Variants in NAP1L1 observed in about 807,000 individuals in gnomAD.
The protein encoded by NAP1L1 is nucleosome assembly protein 1 like 1, also known as nucleosome assembly protein 1-like 1.
NAP1L1 carries 9 observed loss-of-function variants against 58.9 expected under a neutral mutation model. The ratio of observed to expected loss-of-function variants is 0.15; its 90% confidence interval spans 0.09 to 0.27. The LOEUF (loss-of-function observed/expected upper bound fraction) is 0.27. Ranked by LOEUF, NAP1L1 falls within the 10% of genes least tolerant of loss-of-function variation. The probability of loss-of-function intolerance (pLI) is 1.00; values close to 1 mark genes in which losing one functional copy is unlikely to be tolerated. For synonymous variants in NAP1L1, 130 were observed against 138.3 expected (o/e 0.94, Z 0.42); for missense variants, 302 against 458.8 (o/e 0.66, Z 3.12).
rs914062017 is a variant in NAP1L1 at position 76,053,865 on chromosome 12, T to C, written c.675A>G (p.Thr225=). The C allele has an allele frequency of 1.9e-6, 3 of 1,590,362 alleles. No homozygotes were observed. The Admixed American group carries it at 5.8e-5, about 31-fold the overall frequency. The change falls in exon 9 of 15, where the codon ACA becomes ACG. Residue 225 remains threonine, a synonymous_variant. Transcript: ENST00000618691. ...TGTATGTCTTTGTCAGCACTTCATT[T>C]GTAAAATATTCATTGGGTTCAAAGT... ...EFHFEPNEYF[T]NEVLTKTYRM...
chr12:76,058,102 T>C (rs1389952256), intron 6 of NAP1L1: 6 of 746,284 alleles, frequency 8.0e-6, no homozygotes, highest in Non-Finnish European at 1.5e-5. Context: ...GATGACAGCA[T>C]CGAAGATCTT....
intron 12 of NAP1L1, 48 bp from the exon 13 acceptor site, chr12:76,049,833 T>C: frequency 6.3e-7 from 1 of 1,596,656 alleles, no homozygotes; most frequent in Non-Finnish European, 8.6e-7. Flanking sequence ...TAACACACAT[T>C]TCAGAGTAGC....
intron 4 of NAP1L1, among the ~76,000 whole-genome samples, chr12:76,065,128 C>T (rs1949602699): frequency 1.3e-5 from 2 of 151,874 alleles, no homozygotes; most frequent in South Asian, 4.1e-4. Flanking sequence ...ATTCAATTTA[C>T]TACAGGAATG....
At chr12:76,048,772 T>C (rs535603008) in intron 14 of NAP1L1, among the ~76,000 whole-genome samples, 38 of 152,210 alleles carry the variant, frequency 2.5e-4, no homozygotes, top group Non-Finnish European at 4.3e-4. Context: ...CTAATCCTAA[T>C]ATAACAAATT....
In NAP1L1 at chr12:76,040,460, T is replaced by C. The variant is rs1948541533; in HGVS notation, c.*7969A>G. ...AGCTATTCATGAAGGCAGTGAGGAT[T>C]GAGACTGTTATAATCCAGTTCCACC... On this transcript the variant is annotated 3_prime_UTR_variant, in exon 15 of 15. Coordinates refer to ENST00000618691, the MANE Select transcript of NAP1L1 (RefSeq NM_004537.7). The C allele has an allele frequency of 6.6e-6, 1 of 152,174 alleles. No individual in the cohort carries two copies. Among genetic ancestry groups the C allele is most frequent in the African/African-American group, 2.4e-5 (1 of 41,406 alleles). 9.4% of individuals were successfully genotyped at this position (152,174 alleles called of 1,614,324 possible).
rs747880037 is a variant in NAP1L1, at chr12:76,048,448, G to C, written c.1157C>G (p.Ala386Gly). 6.2e-7 allele frequency: 1 copy of C among 1,613,658 alleles called. No individual in the cohort carries two copies. The highest frequency in any genetic ancestry group is 1.7e-5 in the Admixed American group (1 of 60,018). ...CCTGCTTCACTGCTGCTTGCACTCTGCTGGGTTTTGATCCTTCTGTTAAAG... is the reference window on the plus strand; with the variant it reads ...CCTGCTTCACTGCTGCTTGCACTCTCCTGGGTTTTGATCCTTCTGTTAAAG... ...DYDPKKDQNP[A>G]ECKQQ The change falls in exon 15 of 15, where the codon GCA becomes GGA. Residue 386 changes from alanine to glycine, a missense_variant. Ala to Gly is a moderately conservative substitution (Grantham distance 60). Coordinates refer to ENST00000618691, the MANE Select transcript of NAP1L1 (RefSeq NM_004537.7).
Position 76,055,036 on chromosome 12 carries a change from C to G in NAP1L1, c.613G>C (p.Asp205His), listed in dbSNP as rs765375395. ...TCTTTTACCATAGGCTGGCCAGCAT[C>G]TGAGAACTTCACTTTAATATCTTTC... ...HLKDIKVKFS[D>H]AGQPMSFVLE... The change falls in exon 8 of 15, where the codon GAT becomes CAT. Residue 205 changes from aspartate to histidine, a missense_variant. Physicochemically the swap from Asp to His is moderately conservative, Grantham distance 81. Transcript: ENST00000618691. The G allele has an allele frequency of 2.5e-6, 4 of 1,606,842 alleles. No individual in the cohort carries two copies. The Admixed American group carries it at 6.7e-5, about 27-fold the overall frequency.
rs932660654 is a variant in NAP1L1 at position 76,037,964 on chromosome 12, TTATTGAG to T, written c.*10458_*10464del. On this transcript the variant is annotated 3_prime_UTR_variant, in exon 15 of 15. Transcript: ENST00000618691. ...ATTCAAAATGGGCAAGCAGGCTATC[TTATTGAG>T]TATTAACAAGTAACCAGGAAGTCTG... The T allele has an allele frequency of 6.6e-6, 1 of 152,212 alleles. No homozygotes were observed. The highest frequency in any genetic ancestry group is 2.4e-5 in the African/African-American group (1 of 41,444). The allele number at this position is 152,212 out of a possible 1,614,324, so 9.4% of individuals were successfully genotyped here. A position where few individuals can be genotyped will look rare whatever the true frequency, so the allele number is the denominator to read the frequency against.
intron 4 of NAP1L1, among the ~76,000 whole-genome samples, chr12:76,065,944 C>T (rs1406256164): frequency 6.7e-6 from 1 of 150,134 alleles, no homozygotes; most frequent in Non-Finnish European, 1.5e-5. Context: ...ACCAATAAAA[C>T]ATAAGAGTGC....
chr12:76,074,281 T>C (rs1950093273), intron 1 of NAP1L1, 42 bp from the exon 2 acceptor site: 2 of 1,520,526 alleles, frequency 1.3e-6, no homozygotes, highest in African/African-American at 2.9e-5. Context: ...AGTATATGAT[T>C]TATTAAAAAA....
At chr12:76,052,388 CTCTT>C (rs1948884774) in intron 11 of NAP1L1, among the ~76,000 whole-genome samples, 1 of 152,158 alleles carries the variant, frequency 6.6e-6, no homozygotes, top group African/African-American at 2.4e-5. Flanking sequence ...GCTTTATGTT[CTCTT>C]TTTTTGTCCT....
rs1278096426 is a variant in NAP1L1, at chr12:76,049,201, T to A, written c.1139A>T (p.Lys380Met). The A allele has an allele frequency of 6.2e-7, 1 of 1,613,424 alleles. No homozygotes were observed. The highest frequency in any genetic ancestry group is 2.2e-5 in the East Asian group (1 of 44,828). Residue 380 changes from lysine to methionine, a missense_variant and splice_region_variant, in exon 14 of 15, where the codon AAG (lysine) becomes ATG (methionine). Lys to Met is a moderately conservative substitution (Grantham distance 95). Coordinates refer to ENST00000618691, the MANE Select transcript of NAP1L1 (RefSeq NM_004537.7). The part of the protein sequence containing the change: ...DEENDPDYDP[K>M]KDQNPAECKQ... ...GAAAGCAGCACTAATTTTGCTCACC[T>A]TTGGGTCATAGTCTGGATCATTTTC...
intron 14 of NAP1L1, 118 bp from the exon 15 acceptor site, chr12:76,048,582 A>G: frequency 1.0e-6 from 1 of 954,868 alleles, no homozygotes; most frequent in Non-Finnish European, 1.6e-6. Context: ...GAAATGGTAT[A>G]GGACAATGGT....
At chr12:76,049,307 C>T in intron 13 of NAP1L1, 57 bp from the exon 14 acceptor site, 5 of 1,610,918 alleles carry the variant, frequency 3.1e-6, no homozygotes, top group South Asian at 1.1e-5. Flanking sequence ...TAAACTGGCT[C>T]ATAATGTAGG....
rs1948548459 is a variant in NAP1L1 at position 76,041,320 on chromosome 12, C to T, written c.*7109G>A. On this transcript the variant is annotated 3_prime_UTR_variant, in exon 15 of 15. Transcript: ENST00000618691. The stretch of plus-strand genomic sequence containing the variant: ...GAAACTCATTAATAAGCAAGTGTTT[C>T]TAGAGTATTTTGAACTGGTTCAAAA... 6.6e-6 allele frequency: 1 copy of T among 152,138 alleles called. No homozygotes were observed. The highest frequency in any genetic ancestry group is 1.5e-5 in the Non-Finnish European group (1 of 68,030). The allele number at this position is 152,138 out of a possible 1,614,324, so 9.4% of individuals were successfully genotyped here.
intron 1 of NAP1L1, among the ~76,000 whole-genome samples, chr12:76,084,245 C>T (rs1436193787): frequency 6.6e-6 from 1 of 152,128 alleles, no homozygotes; most frequent in South Asian, 2.1e-4. Context: ...TCAGGGCACC[C>T]GGGCGTCACC....
chr12:76,073,080 A>T (rs1222532617), intron 2 of NAP1L1, among the ~76,000 whole-genome samples: 4 of 152,146 alleles, frequency 2.6e-5, no homozygotes, highest in Non-Finnish European at 5.9e-5. Flanking sequence ...TTTGGGAACC[A>T]TTATTATTAA....
intron 6 of NAP1L1, chr12:76,057,696 T>C: frequency 6.6e-7 from 1 of 1,513,326 alleles, no homozygotes; most frequent in Non-Finnish European, 9.0e-7. Flanking sequence ...TTGCTAAATG[T>C]AGACAATGAT....
At chr12:76,050,110 A>G (rs1054615286) in intron 12 of NAP1L1, among the ~76,000 whole-genome samples, 4 of 152,226 alleles carry the variant, frequency 2.6e-5, no homozygotes, top group African/African-American at 9.6e-5. Context: ...ATTGCCGTTG[A>G]GCAATAAACA....
Sources: gnomAD v4.1 joint callset for allele counts (sites outside exome capture counted in the v4.1 genomes callset) on GRCh38, gnomAD v4.1.1 for gene constraint, MANE v1.5 for transcripts, NCBI Gene and HGNC (gene_info 2026-07-23, HGNC 2026-07-21) for gene names.